Variants in SLC24A3 observed in about 807,000 individuals in gnomAD.
The protein encoded by SLC24A3 is sodium/potassium/calcium exchanger 3.
SLC24A3 carries 28 observed loss-of-function variants against 75.8 expected under a neutral mutation model. That is an observed-to-expected ratio of 0.37 (90% CI 0.27 to 0.51). The LOEUF (loss-of-function observed/expected upper bound fraction) is 0.51. SLC24A3 is among the 20% of genes least tolerant of loss of function. SLC24A3 has a pLI of 0.94. For missense variants in SLC24A3, 663 were observed against 847.8 expected (o/e 0.78, Z 2.71); for synonymous variants, 372 against 334.1 (o/e 1.11, Z -1.24).
At chr20:19,428,849 A>T (rs532656632) in intron 2 of SLC24A3, among the ~76,000 whole-genome samples, 2 of 152,298 alleles carry the variant, frequency 1.3e-5, no homozygotes, top group African/African-American at 4.8e-5. Context: ...TATGCAAGTA[A>T]TGCAGTCTAC....
intron 2 of SLC24A3, among the ~76,000 whole-genome samples, chr20:19,431,060 G>A (rs1987093116): frequency 1.3e-5 from 2 of 152,066 alleles, no homozygotes; most frequent in African/African-American, 4.8e-5. Flanking sequence ...TGGGGTCAGG[G>A]CAGTAGAGCA....
chr20:19,717,655 T>C, intron 16 of SLC24A3, 62 bp downstream of exon 16: 1 of 1,592,492 alleles, frequency 6.3e-7, no homozygotes, highest in Non-Finnish European at 8.6e-7. Context: ...CTTGGTTTCT[T>C]TGGAGACCAG....
chr20:19,559,745 T>C (rs1053342358), intron 3 of SLC24A3, among the ~76,000 whole-genome samples: 3 of 152,234 alleles, frequency 2.0e-5, no homozygotes, highest in Middle Eastern at 3.4e-3. Flanking sequence ...TTATTTGTAA[T>C]AATTATGAGA....
chr20:19,448,638 A>T (rs1987428642), intron 2 of SLC24A3, among the ~76,000 whole-genome samples: 1 of 152,202 alleles, frequency 6.6e-6, no homozygotes, highest in South Asian at 2.1e-4. Context: ...TCCCACAGTC[A>T]TGGCTGGAGG....
At chr20:19,544,061 G>T (rs762936305) in intron 3 of SLC24A3, among the ~76,000 whole-genome samples, 1 of 152,140 alleles carries the variant, frequency 6.6e-6, no homozygotes, top group East Asian at 1.9e-4. Context: ...TGTTACTGCA[G>T]TCATACTTCA....
intron 2 of SLC24A3, among the ~76,000 whole-genome samples, chr20:19,491,384 C>T (rs1988207195): frequency 6.6e-6 from 1 of 152,206 alleles, no homozygotes; most frequent in African/African-American, 2.4e-5. Flanking sequence ...GGTTCCCTAG[C>T]ACCAATCTGT....
Position 19,251,582 on chromosome 20 carries a change from CG to C in SLC24A3, c.143-29373del, listed in dbSNP as rs574719595. On this transcript the variant is annotated intron_variant, in intron 1 of 16. Coordinates refer to ENST00000328041, the MANE Select transcript of SLC24A3 (RefSeq NM_020689.4). ...GGGACAACGAGGGCCCAGCTCTAGC[CG>C]GGGTCTCAGAGAGTCTGTGGAACAG... is the stretch of plus-strand genomic sequence containing the variant. Among the ~76,000 whole-genome samples, 14 of 152,232 alleles carry C rather than the reference CG, an allele frequency of 9.2e-5. No individual in the cohort carries two copies. The South Asian group carries it at 2.9e-3, about 32-fold the overall frequency.
intron 6 of SLC24A3, among the ~76,000 whole-genome samples, chr20:19,627,955 T>G (rs1012019446): frequency 6.6e-6 from 1 of 151,850 alleles, no homozygotes; most frequent in South Asian, 2.1e-4. Context: ...CCCAGAACTT[T>G]GGGAGGCTGA....
At chr20:19,649,217 GT>G (rs1476531628) in intron 6 of SLC24A3, among the ~76,000 whole-genome samples, 1 of 152,240 alleles carries the variant, frequency 6.6e-6, no homozygotes, top group Non-Finnish European at 1.5e-5. Flanking sequence ...CAGGAAATGT[GT>G]TCAGGGCTGA....
chr20:19,528,475 G>A (rs2122572657), intron 3 of SLC24A3, among the ~76,000 whole-genome samples: 1 of 152,206 alleles, frequency 6.6e-6, no homozygotes, highest in Non-Finnish European at 1.5e-5. Context: ...ATTTTTTGAT[G>A]ACATGTCCTT....
intron 6 of SLC24A3, among the ~76,000 whole-genome samples, chr20:19,603,492 C>T (rs924097715): frequency 3.9e-5 from 6 of 152,152 alleles, no homozygotes; most frequent in Admixed American, 1.3e-4. Context: ...AATCAATGGA[C>T]TCCATAAATA....
intron 2 of SLC24A3, among the ~76,000 whole-genome samples, chr20:19,499,853 T>TATAC (rs1353579627): frequency 3.9e-5 from 6 of 152,190 alleles, no homozygotes; most frequent in African/African-American, 1.2e-4. Flanking sequence ...ACACATGGAT[T>TATAC]ATACATACAT....
chr20:19,367,433 G>T (rs1985911754), intron 2 of SLC24A3, among the ~76,000 whole-genome samples: 1 of 151,560 alleles, frequency 6.6e-6, no homozygotes, highest in Non-Finnish European at 1.5e-5. Context: ...TAACAAACAG[G>T]CTTGGGAAAA....
chr20:19,409,656 T>C (rs1467027159), intron 2 of SLC24A3, among the ~76,000 whole-genome samples: 2 of 152,128 alleles, frequency 1.3e-5, no homozygotes, highest in Non-Finnish European at 1.5e-5. Context: ...TAAATTATGA[T>C]AGACTTGAAG....
intron 2 of SLC24A3, among the ~76,000 whole-genome samples, chr20:19,399,509 T>A (rs115478686): frequency 0.014 from 2,160 of 152,342 alleles, 59 homozygotes; most frequent in African/African-American, 0.049. Flanking sequence ...AAATTGATTA[T>A]TTAGAAATAT....
intron 3 of SLC24A3, among the ~76,000 whole-genome samples, chr20:19,535,711 A>G (rs2030383731): frequency 1.3e-5 from 2 of 152,234 alleles, no homozygotes; most frequent in African/African-American, 4.8e-5. Flanking sequence ...TTGTGTCTGC[A>G]TAACAAACAA....
At chr20:19,359,923 G>T (rs1985756075) in intron 2 of SLC24A3, among the ~76,000 whole-genome samples, 1 of 152,122 alleles carries the variant, frequency 6.6e-6, no homozygotes, top group African/African-American at 2.4e-5. Flanking sequence ...TAATAGGTGA[G>T]GAAGGTGGGG....
chr20:19,424,270 C>A (rs1986962957), intron 2 of SLC24A3, among the ~76,000 whole-genome samples: 1 of 151,912 alleles, frequency 6.6e-6, no homozygotes, highest in South Asian at 2.1e-4. Context: ...AGAATAGTAC[C>A]ATAAATAACT....
intron 2 of SLC24A3, among the ~76,000 whole-genome samples, chr20:19,415,440 T>C (rs1986810565): frequency 6.6e-6 from 1 of 152,192 alleles, no homozygotes; most frequent in South Asian, 2.1e-4. Context: ...CTCTCCCGCA[T>C]GTCTATAGAA....
Sources: allele counts gnomAD v4.1 joint callset (sites outside exome capture counted in the v4.1 genomes callset), GRCh38; gene constraint gnomAD v4.1.1; transcripts MANE v1.5; gene names NCBI Gene and HGNC (gene_info 2026-07-23, HGNC 2026-07-21).